Variants in COLGALT2 observed in about 807,000 individuals in gnomAD.
COLGALT2 encodes procollagen galactosyltransferase 2.
Under a neutral mutation model 73.4 loss-of-function variants are expected in COLGALT2, and 49 were observed. The observed-to-expected ratio is 0.67, with a 90% CI of 0.53 to 0.85. The LOEUF (loss-of-function observed/expected upper bound fraction) is 0.85, where lower values mean the gene tolerates loss of function less well. Ranked by LOEUF, COLGALT2 falls within the 40% of genes least tolerant of loss-of-function variation. The pLI is 0.00. For missense variants in COLGALT2, 722 were observed against 790.2 expected (o/e 0.91, Z 1.03); for synonymous variants, 295 against 307.6 (o/e 0.96, Z 0.43).
intron 8 of COLGALT2, among the ~76,000 whole-genome samples, chr1:183,950,574 T>C (rs1172421425): frequency 1.3e-5 from 2 of 152,160 alleles, no homozygotes; most frequent in Non-Finnish European, 1.5e-5. Context: ...AGGCAGATTG[T>C]GGCAGGCATC....
intron 1 of COLGALT2, among the ~76,000 whole-genome samples, chr1:184,012,640 T>C (rs1373691651): frequency 6.6e-6 from 1 of 152,204 alleles, no homozygotes; most frequent in Non-Finnish European, 1.5e-5. Context: ...AGTCTATTCC[T>C]ATCATCAAAA....
intron 11 of COLGALT2, among the ~76,000 whole-genome samples, chr1:183,930,569 C>CTTTTTTTTTTTTTTTTTTTTT (rs397861890): frequency 3.5e-5 from 4 of 114,066 alleles, no homozygotes; most frequent in South Asian, 2.9e-4. Flanking sequence ...TTTTCTTTTT[C>CTTTTTTTTTTTTTTTTTTTTT]TTTTTTTTTT....
At position 183,938,091 on chromosome 1, in the gene COLGALT2, T is replaced by A. The variant is rs1410135549; in HGVS notation, c.*670A>T. On this transcript the variant is annotated 3_prime_UTR_variant, in exon 12 of 12. Coordinates refer to ENST00000361927, the MANE Select transcript of COLGALT2 (RefSeq NM_015101.4). ...AAATATCTACTAAATTATATCCACA[T>A]GGCAAACTGGTCACCTCTATATGAG... 1 of 985,486 alleles carries A rather than the reference T, an allele frequency of 1.0e-6. No homozygotes were observed. 61.0% of individuals were successfully genotyped at this position (985,486 alleles called of 1,614,324 possible). A position where few individuals can be genotyped will look rare whatever the true frequency, so the allele number is the denominator to read the frequency against.
At chr1:184,014,702 G>A (rs1648944778) in intron 1 of COLGALT2, among the ~76,000 whole-genome samples, 1 of 152,186 alleles carries the variant, frequency 6.6e-6, no homozygotes. Flanking sequence ...AGGCTACTGG[G>A]AGGATGGGTC....
intron 1 of COLGALT2, among the ~76,000 whole-genome samples, chr1:184,012,926 A>C (rs1211409052): frequency 6.6e-6 from 1 of 152,246 alleles, no homozygotes; most frequent in East Asian, 1.9e-4. Context: ...TCAGTGCTAG[A>C]ACCTGGAGAT....
chr1:183,943,561 C>T (rs1670170779), intron 10 of COLGALT2, among the ~76,000 whole-genome samples: 1 of 152,060 alleles, frequency 6.6e-6, no homozygotes, highest in Non-Finnish European at 1.5e-5. Flanking sequence ...AAGCAGAAGC[C>T]ACTCAATTCC....
intron 6 of COLGALT2, among the ~76,000 whole-genome samples, chr1:183,957,409 G>A (rs1670582449): frequency 6.6e-6 from 1 of 152,096 alleles, no homozygotes; most frequent in South Asian, 2.1e-4. Flanking sequence ...AGCCAACCAG[G>A]CAACTGGGCT....
exon 12 of COLGALT2, chr1:183,930,217 G>C (rs145960234): frequency 3.7e-5 from 17 of 456,192 alleles, no homozygotes; most frequent in South Asian, 2.2e-4. Context: ...CTCCTAGGGT[G>C]CACGGGTTTG....
intron 1 of COLGALT2, among the ~76,000 whole-genome samples, chr1:183,992,097 C>A (rs1449410107): frequency 6.6e-6 from 1 of 152,168 alleles, no homozygotes; most frequent in Non-Finnish European, 1.5e-5. Flanking sequence ...CAGGCATTGA[C>A]CTAGAACTCT....
At position 183,930,246 on chromosome 1, in the gene COLGALT2, CAG is replaced by C. The variant is rs907642954; in HGVS notation, c.1646_1647del (p.Ser549Ter). The C allele has an allele frequency of 1.3e-5, 6 of 456,222 alleles. No individual in the cohort carries two copies. The East Asian group carries it at 4.2e-4, about 32-fold the overall frequency. 28.3% of individuals were successfully genotyped at this position (456,222 alleles called of 1,614,324 possible). A position where few individuals can be genotyped will look rare whatever the true frequency, so the allele number is the denominator to read the frequency against. On this transcript the variant is annotated frameshift_variant, in exon 12 of 12. Coordinates refer to the COLGALT2 transcript ENST00000649786. LOFTEE classifies it low-confidence loss of function (END_TRUNC). ...GGGTTTGTTCACCGTTGGCAGTCAT[CAG>C]AAAGTGTTTGGAAGAGATGGCAGTG...
At chr1:183,964,420 T>A in intron 5 of COLGALT2, 1 of 228,706 alleles carries the variant, frequency 4.4e-6, no homozygotes, top group Non-Finnish European at 8.4e-6. Flanking sequence ...ACATTTGATA[T>A]GAAAGCAAAC....
At chr1:184,035,744 T>A (rs960332491) in intron 1 of COLGALT2, among the ~76,000 whole-genome samples, 5 of 152,306 alleles carry the variant, frequency 3.3e-5, no homozygotes, top group Admixed American at 3.3e-4. Context: ...AGGTAACTGA[T>A]ATGTGTGAAT....
chr1:184,020,325 A>G (rs138619796), intron 1 of COLGALT2, among the ~76,000 whole-genome samples: 163 of 152,334 alleles, frequency 1.1e-3, no homozygotes, highest in African/African-American at 3.6e-3. Context: ...GTTGAATAAT[A>G]TAGTTAAATG....
At chr1:184,035,768 G>A (rs1310733220) in intron 1 of COLGALT2, among the ~76,000 whole-genome samples, 2 of 150,930 alleles carry the variant, frequency 1.3e-5, no homozygotes, top group Admixed American at 1.3e-4. Context: ...TTTTGGTACC[G>A]AAGTGGTTAA....
intron 1 of COLGALT2, among the ~76,000 whole-genome samples, chr1:184,020,626 C>T (rs535573416): frequency 1.3e-5 from 2 of 152,306 alleles, no homozygotes; most frequent in South Asian, 4.1e-4. Flanking sequence ...ACAGCGTACT[C>T]TCCTATCAGA....
chr1:184,035,726 A>G (rs935901761), intron 1 of COLGALT2, among the ~76,000 whole-genome samples: 5 of 152,206 alleles, frequency 3.3e-5, no homozygotes, highest in Non-Finnish European at 4.4e-5. Flanking sequence ...AAAAAAACAC[A>G]ACAACTAAGG....
At position 183,999,229 on chromosome 1, in the gene COLGALT2, C is replaced by T. The variant is rs528095724; in HGVS notation, c.264-20709G>A. Among the ~76,000 whole-genome samples the T allele has an allele frequency of 2.0e-5, 3 of 152,100 alleles. No individual in the cohort carries two copies. The South Asian group carries it at 6.2e-4, about 32-fold the overall frequency. On this transcript the variant is annotated intron_variant, in intron 1 of 11. Transcript: ENST00000361927. ...TGCATCTATTGAGATGAACATATGG[C>T]TTTTTCCCGTTAATTTGTCGATATG...
intron 1 of COLGALT2, among the ~76,000 whole-genome samples, chr1:184,025,028 C>T (rs998287673): frequency 6.6e-6 from 1 of 152,216 alleles, no homozygotes; most frequent in African/African-American, 2.4e-5. Flanking sequence ...GAGTTACTGC[C>T]CTTTCCACTT....
At chr1:183,940,028 G>A (rs997071015) in intron 11 of COLGALT2, among the ~76,000 whole-genome samples, 3 of 152,194 alleles carry the variant, frequency 2.0e-5, no homozygotes, top group Non-Finnish European at 4.4e-5. Flanking sequence ...GGAGCCCCAA[G>A]CATCACACTG....
Sources: allele counts gnomAD v4.1 joint callset (sites outside exome capture counted in the v4.1 genomes callset), GRCh38; gene constraint gnomAD v4.1.1; transcripts MANE v1.5; gene names NCBI Gene and HGNC (gene_info 2026-07-23, HGNC 2026-07-21).